The following PCCA variants were observed in gnomAD, a reference collection of about 807,000 sequenced individuals.
PCCA encodes the protein propionyl-CoA carboxylase subunit alpha.
Under a neutral mutation model 101.3 loss-of-function variants are expected in PCCA, and 74 were observed. That is an observed-to-expected ratio of 0.73 (90% CI 0.61 to 0.89). The LOEUF is 0.89. PCCA is among the 40% of genes least tolerant of loss of function. PCCA has a pLI of 0.00. For missense variants in PCCA, 891 were observed against 907.0 expected (o/e 0.98, Z 0.23); for synonymous variants, 294 against 313.6 (o/e 0.94, Z 0.66).
chr13:100,118,781 T>G (rs1658325517), intron 4 of PCCA, among the ~76,000 whole-genome samples: 1 of 152,144 alleles, frequency 6.6e-6, no homozygotes, highest in Non-Finnish European at 1.5e-5. Flanking sequence ...ACTCCTGGGC[T>G]CAAGAGATCC....
chr13:100,267,043 C>T (rs2062984402), intron 10 of PCCA, among the ~76,000 whole-genome samples: 1 of 151,986 alleles, frequency 6.6e-6, no homozygotes, highest in South Asian at 2.1e-4. Context: ...TTGTTGAATG[C>T]CTAGTAAGTG....
intron 21 of PCCA, among the ~76,000 whole-genome samples, chr13:100,505,800 G>A (rs945575897): frequency 5.3e-5 from 8 of 152,164 alleles, no homozygotes; most frequent in African/African-American, 1.7e-4. Flanking sequence ...CCAGGAGGTC[G>A]AGGCTGCAGT....
intron 20 of PCCA, among the ~76,000 whole-genome samples, chr13:100,445,382 A>G (rs1011200514): frequency 2.2e-5 from 3 of 136,148 alleles, no homozygotes; most frequent in Non-Finnish European, 4.9e-5. Context: ...GAATGGCTAC[A>G]TTGAGCTAAT....
chr13:100,235,082 A>G (rs2060711722), intron 7 of PCCA, among the ~76,000 whole-genome samples: 1 of 152,180 alleles, frequency 6.6e-6, no homozygotes, highest in East Asian at 1.9e-4. Context: ...ATCTTCTTAG[A>G]GGTAGAAGTG....
intron 19 of PCCA, among the ~76,000 whole-genome samples, chr13:100,406,126 G>T (rs1267471248): frequency 6.6e-6 from 1 of 152,058 alleles, no homozygotes; most frequent in Admixed American, 6.6e-5. Flanking sequence ...GCGTAGACAG[G>T]GGTATGAGGC....
chr13:100,201,940 A>C (rs2058538137), intron 6 of PCCA, among the ~76,000 whole-genome samples: 1 of 150,892 alleles, frequency 6.6e-6, no homozygotes, highest in Non-Finnish European at 1.5e-5. Flanking sequence ...TAGTTTGCAA[A>C]CCTCTGTTGT....
chr13:100,161,144 A>C (rs1350826816), intron 6 of PCCA: 1 of 152,216 alleles, frequency 6.6e-6, no homozygotes, highest in Non-Finnish European at 1.5e-5. Flanking sequence ...TAACTACTGT[A>C]AAATGAGAGG....
At chr13:100,347,124 C>T (rs1324154661) in intron 18 of PCCA, among the ~76,000 whole-genome samples, 1 of 152,192 alleles carries the variant, frequency 6.6e-6, no homozygotes, top group Non-Finnish European at 1.5e-5. Flanking sequence ...ATCCGCCTGC[C>T]TCGGCCATCC....
intron 22 of PCCA, among the ~76,000 whole-genome samples, chr13:100,521,876 C>G (rs1014127373): frequency 1.3e-5 from 2 of 152,168 alleles, no homozygotes; most frequent in East Asian, 3.9e-4. Flanking sequence ...GAAACTGCAG[C>G]GGGCTGGTAA....
rs139660296 is a variant in PCCA at position 100,372,352 on chromosome 13, AAAAAC to A, written c.1746+3803_1746+3807del. 2.5e-4 allele frequency among the ~76,000 whole-genome samples: 37 copies of A among 150,090 alleles called. No individual in the cohort carries two copies. The South Asian group carries it at 3.2e-3, about 13-fold the overall frequency. On this transcript the variant is annotated intron_variant, in intron 19 of 23. Coordinates refer to ENST00000376285, the MANE Select transcript of PCCA (RefSeq NM_000282.4). ...AGGTGACAGAGTGAGACCCTGTCTCAAAAACAAAACAAAACAAAACAAAACAAAAA... is the reference window on the plus strand; with the variant it reads ...AGGTGACAGAGTGAGACCCTGTCTCAAAAACAAAACAAAACAAAACAAAAA...
chr13:100,104,945 T>C (rs2047617767), intron 2 of PCCA, among the ~76,000 whole-genome samples: 1 of 152,056 alleles, frequency 6.6e-6, no homozygotes, highest in Admixed American at 6.5e-5. Context: ...CTCAAATGTC[T>C]TCCTGCCTCA....
chr13:100,511,183 C>T (rs1323019583), intron 21 of PCCA, among the ~76,000 whole-genome samples: 1 of 152,188 alleles, frequency 6.6e-6, no homozygotes, highest in Admixed American at 6.5e-5. Context: ...TGTTTTAACT[C>T]ATATCTAGTT....
At chr13:100,218,129 C>T (rs1358320035) in intron 7 of PCCA, among the ~76,000 whole-genome samples, 1 of 151,162 alleles carries the variant, frequency 6.6e-6, no homozygotes, top group Non-Finnish European at 1.5e-5. Flanking sequence ...ACATTTTGAC[C>T]ATTGCAATTA....
intron 6 of PCCA, among the ~76,000 whole-genome samples, chr13:100,166,384 C>T (rs1245342695): frequency 3.9e-5 from 6 of 152,104 alleles, no homozygotes; most frequent in Non-Finnish European, 7.4e-5. Flanking sequence ...GCACAACTTC[C>T]GCCTCCTGGG....
intron 21 of PCCA, among the ~76,000 whole-genome samples, chr13:100,454,065 G>T (rs1055581026): frequency 1.3e-5 from 2 of 151,802 alleles, no homozygotes; most frequent in Non-Finnish European, 2.9e-5. Flanking sequence ...TAGAGGCAGG[G>T]TTTCACTGTG....
At position 100,444,663 on chromosome 13, in the gene PCCA, A is replaced by C. The variant is rs184513053; in HGVS notation, c.1846-4589A>C. ...TCACCATGTTAGCCAGGATGGTCTC[A>C]ATCTCCTGACCTGGTGATCCGCCCA... On this transcript the variant is annotated intron_variant, in intron 20 of 23. Coordinates refer to ENST00000376285, the MANE Select transcript of PCCA (RefSeq NM_000282.4). Among the ~76,000 whole-genome samples the C allele has an allele frequency of 3.2e-4, 49 of 150,930 alleles. 1 individual carries two copies. Among genetic ancestry groups the C allele is most frequent in the Admixed American group, 3.0e-3 (46 of 15,176 alleles).
At chr13:100,372,706 A>G (rs2075648632) in intron 19 of PCCA, among the ~76,000 whole-genome samples, 1 of 151,980 alleles carries the variant, frequency 6.6e-6, no homozygotes, top group Non-Finnish European at 1.5e-5. Context: ...AGAACGGGAG[A>G]AAATATTTAC....
At chr13:100,128,923 C>G (rs896948569) in intron 4 of PCCA, among the ~76,000 whole-genome samples, 4 of 152,090 alleles carry the variant, frequency 2.6e-5, no homozygotes, top group African/African-American at 9.7e-5. Context: ...ACTTTCTCTA[C>G]CCTTACCCTG....
At chr13:100,161,452 G>A (rs1232796345) in intron 6 of PCCA, 1 of 152,126 alleles carries the variant, frequency 6.6e-6, no homozygotes, top group African/African-American at 2.4e-5. Flanking sequence ...GAGAATGGTG[G>A]CTTCCCTGCA....
Sources: allele counts gnomAD v4.1 joint callset (sites outside exome capture counted in the v4.1 genomes callset), GRCh38; gene constraint gnomAD v4.1.1; transcripts MANE v1.5; gene names NCBI Gene and HGNC (gene_info 2026-07-23, HGNC 2026-07-21).